DRAXIN: variants seen among roughly 807,000 people sequenced by gnomAD.
DRAXIN encodes the protein dorsal repulsive axon guidance protein.
DRAXIN carries 27 observed loss-of-function variants against 33.9 expected under a neutral mutation model. The ratio of observed to expected loss-of-function variants is 0.80; its 90% CI spans 0.59 to 1.10. The LOEUF (loss-of-function observed/expected upper bound fraction) is 1.10. DRAXIN is among the 50% of genes least tolerant of loss of function. The pLI is 0.00. For synonymous variants in DRAXIN, 178 were observed against 194.0 expected (o/e 0.92, Z 0.69); for missense variants, 371 against 460.8 (o/e 0.81, Z 1.78).
chr1:11,712,791 C>T (rs762176414), intron 5 of DRAXIN, among the ~76,000 whole-genome samples: 1 of 151,606 alleles, frequency 6.6e-6, no homozygotes, highest in African/African-American at 2.4e-5. Flanking sequence ...CCCAGCTACT[C>T]GGGAGGATGA....
chr1:11,718,000 C>CAAAAA (rs57704802), intron 6 of DRAXIN, among the ~76,000 whole-genome samples: 2 of 80,880 alleles, frequency 2.5e-5, no homozygotes, highest in African/African-American at 1.2e-4. Flanking sequence ...GACCCTGTCT[C>CAAAAA]AAAAAAAAAA....
chr1:11,711,774 C>T, intron 3 of DRAXIN, 77 bp from the exon 4 acceptor site: 1 of 1,379,626 alleles, frequency 7.2e-7, no homozygotes, highest in Admixed American at 2.0e-5. Flanking sequence ...TCTTTTTTGT[C>T]CTCTGACCTT....
intron 2 of DRAXIN, among the ~76,000 whole-genome samples, 179 bp from the exon 3 acceptor site, chr1:11,709,096 C>G (rs189564286): frequency 3.3e-5 from 5 of 152,226 alleles, no homozygotes; most frequent in African/African-American, 1.2e-4. Flanking sequence ...CATTTTCCTC[C>G]GAGTTCCCAT....
chr1:11,719,560 C>T, intron 6 of DRAXIN, 24 bp from the exon 7 acceptor site: 1 of 1,589,626 alleles, frequency 6.3e-7, no homozygotes, highest in South Asian at 1.1e-5. Context: ...GCGCCTCTGA[C>T]CCCCCTTGCC....
At chr1:11,687,645 G>C (rs1291078084), upstream of DRAXIN, among the ~76,000 whole-genome samples, 1 of 152,224 alleles carries the variant, frequency 6.6e-6, no homozygotes, top group Admixed American at 6.5e-5. This position sits in a 1 kb window ranked among gnomAD's most constrained non-coding sequence, Gnocchi z 4.1. Context: ...CAAAGTGCTA[G>C]GATTACAGGC....
intron 2 of DRAXIN, among the ~76,000 whole-genome samples, 190 bp from the exon 3 acceptor site, chr1:11,709,085 A>G (rs971218126): frequency 1.3e-5 from 2 of 152,218 alleles, no homozygotes; most frequent in African/African-American, 4.8e-5. Flanking sequence ...TTCTTCCAAG[A>G]CATTTTCCTC....
chr1:11,690,145 T>C (rs1641034610), upstream of DRAXIN, among the ~76,000 whole-genome samples: 1 of 152,082 alleles, frequency 6.6e-6, no homozygotes, highest in African/African-American at 2.4e-5. This position sits in a 1 kb window ranked among gnomAD's most constrained non-coding sequence, Gnocchi z 4.2. Flanking sequence ...CCTGACATCA[T>C]TTATATTTAT....
At chr1:11,697,042 TA>T (rs3073070) in intron 1 of DRAXIN, among the ~76,000 whole-genome samples, 86,399 of 140,196 alleles carry the variant, frequency 0.62, 26,469 homozygotes, top group African/African-American at 0.73. Context: ...TCTTAATAAT[TA>T]AAAAAAAAAA....
rs538999167 is a variant in DRAXIN at position 11,696,888 on chromosome 1, T to C, written c.-11+5035T>C. On this transcript the variant is annotated intron_variant, in intron 1 of 6. Transcript: ENST00000294485. The surrounding 1 kb of genome is among the most constrained non-coding windows in gnomAD (Gnocchi z 4.7). Reference sequence around the variant, plus strand: ...AAAACAAAAACAAAACAAATCAAAATAGCCAGGCATGGTGGTGCATGCCTG... The same window carrying C: ...AAAACAAAAACAAAACAAATCAAAACAGCCAGGCATGGTGGTGCATGCCTG... 3.7e-4 allele frequency among the ~76,000 whole-genome samples: 56 copies of C among 151,194 alleles called. No homozygotes were observed. Among genetic ancestry groups the C allele is most frequent in the African/African-American group, 1.3e-3 (55 of 41,186 alleles).
intron 1 of DRAXIN, among the ~76,000 whole-genome samples, chr1:11,702,052 T>A (rs1231341862): frequency 2.6e-5 from 4 of 151,972 alleles, no homozygotes; most frequent in African/African-American, 9.7e-5. Context: ...ACAAACATGC[T>A]TGTGCACACA....
At position 11,720,251 on chromosome 1, in the gene DRAXIN, T is replaced by C. The variant is rs965515965; in HGVS notation, c.*555T>C. ...CGACTTGCCCAGGGTCCCAGGTCAG[T>C]GCTCCTCAAACCTGAACATGCTAAG... is the stretch of plus-strand genomic sequence containing the variant. On this transcript the variant is annotated 3_prime_UTR_variant, in exon 7 of 7. Transcript: ENST00000294485. 2 of 155,024 alleles carry C rather than the reference T, an allele frequency of 1.3e-5. No homozygotes were observed. The highest frequency in any genetic ancestry group is 2.9e-5 in the Non-Finnish European group (2 of 69,402). The allele number at this position is 155,024 out of a possible 1,614,324, so 9.6% of individuals were successfully genotyped here.
chr1:11,714,489 C>A (rs1315500180), intron 5 of DRAXIN, among the ~76,000 whole-genome samples: 2 of 152,382 alleles, frequency 1.3e-5, no homozygotes, highest in East Asian at 3.9e-4. Context: ...CCAGCAAGTG[C>A]TTTCCCCAAG....
At position 11,712,442 on chromosome 1, in the gene DRAXIN, AC is replaced by A. The variant is rs2100741374; in HGVS notation, c.847+16del. ...GACTGCCTGCCAGGTACCAGCCAGC[AC>A]CCACATTCAAGGCACCAGGCTGGGT... On this transcript the variant is annotated intron_variant, in intron 5 of 6. Coordinates refer to ENST00000294485, the MANE Select transcript of DRAXIN (RefSeq NM_198545.4). 2 of 1,613,868 alleles carry A rather than the reference AC, an allele frequency of 1.2e-6. No homozygotes were observed. Among genetic ancestry groups the A allele is most frequent in the East Asian group, 4.5e-5 (2 of 44,880 alleles).
At chr1:11,710,921 C>T (rs200886385) in intron 3 of DRAXIN, among the ~76,000 whole-genome samples, 3 of 90,130 alleles carry the variant, frequency 3.3e-5, no homozygotes, top group African/African-American at 1.0e-4. Flanking sequence ...GACTCCATCT[C>T]AAAAAAAAAA....
upstream of DRAXIN, among the ~76,000 whole-genome samples, chr1:11,690,669 C>G (rs902821327): frequency 1.3e-5 from 2 of 152,180 alleles, no homozygotes; most frequent in African/African-American, 4.8e-5. The surrounding 1 kb of genome is among the most constrained non-coding windows in gnomAD (Gnocchi z 4.2). Context: ...CAGGTGGGAG[C>G]GCTGCTTCCC....
In DRAXIN at chr1:11,723,489, G is replaced by A. The variant is rs1276804141; in HGVS notation, c.*3793G>A. 6.6e-6 allele frequency: 1 copy of A among 151,878 alleles called. No individual in the cohort carries two copies. The highest frequency in any genetic ancestry group is 1.5e-5 in the Non-Finnish European group (1 of 67,992). 9.4% of individuals were successfully genotyped at this position (151,878 alleles called of 1,614,324 possible). ...CCTCTCACAGCTTTGGCAACCTTAG[G>A]AAAGTTTCTTAAGGTCTCTGTGCCT... is the stretch of plus-strand genomic sequence containing the variant. On this transcript the variant is annotated 3_prime_UTR_variant, in exon 7 of 7. Transcript: ENST00000294485.
At chr1:11,711,295 G>A (rs1454085661) in intron 3 of DRAXIN, among the ~76,000 whole-genome samples, 1 of 152,204 alleles carries the variant, frequency 6.6e-6, no homozygotes, top group Non-Finnish European at 1.5e-5. Context: ...TAGAAGGTGC[G>A]GTTCCTGCCC....
intron 3 of DRAXIN, among the ~76,000 whole-genome samples, chr1:11,710,201 A>AG (rs939242590): frequency 9.5e-6 from 1 of 105,050 alleles, no homozygotes; most frequent in Non-Finnish European, 1.9e-5. Context: ...AAAAAAAAAA[A>AG]GAAATGTGGG....
chr1:11,717,804 G>A (rs1352452709), intron 6 of DRAXIN, among the ~76,000 whole-genome samples: 12 of 137,758 alleles, frequency 8.7e-5, no homozygotes, highest in Admixed American at 1.6e-4. Context: ...GCAAGGTAGA[G>A]AGACACTGTC....
Sources: allele counts gnomAD v4.1 joint callset (sites outside exome capture counted in the v4.1 genomes callset), GRCh38; gene constraint gnomAD v4.1.1; non-coding constraint Gnocchi (gnomAD v3.1); transcripts MANE v1.5; gene names NCBI Gene and HGNC (gene_info 2026-07-23, HGNC 2026-07-21).